Variants in IMMP2L observed in about 807,000 individuals in gnomAD.
The protein encoded by IMMP2L is inner mitochondrial membrane peptidase subunit 2.
In IMMP2L, 18 loss-of-function variants were observed where a neutral mutation model predicts 19.3. The observed-to-expected ratio is 0.93, with a 90% confidence interval of 0.64 to 1.38. The LOEUF (loss-of-function observed/expected upper bound fraction) is 1.38, where lower values mean the gene tolerates loss of function less well. Among genes scored for constraint, IMMP2L ranks in the 40% most tolerant of loss-of-function variants. The pLI, the probability that IMMP2L is intolerant of heterozygous loss-of-function variation, is 0.00. For missense variants in IMMP2L, 233 were observed against 218.2 expected (o/e 1.07, Z -0.43); for synonymous variants, 76 against 73.0 (o/e 1.04, Z -0.21).
intron 4 of IMMP2L, among the ~76,000 whole-genome samples, chr7:110,917,836 T>C (rs1585259373): frequency 6.6e-6 from 1 of 152,286 alleles, no homozygotes; most frequent in South Asian, 2.1e-4. Flanking sequence ...CCCAATTGGA[T>C]AATAAGAAAT....
chr7:111,150,917 T>C (rs1171474291), intron 3 of IMMP2L, among the ~76,000 whole-genome samples: 1 of 152,206 alleles, frequency 6.6e-6, no homozygotes, highest in African/African-American at 2.4e-5. Context: ...AGTCCATTCC[T>C]GATGCCTGGA....
chr7:111,060,325 C>A (rs1008327017), intron 3 of IMMP2L, among the ~76,000 whole-genome samples: 3 of 152,144 alleles, frequency 2.0e-5, no homozygotes, highest in Non-Finnish European at 2.9e-5. Flanking sequence ...AGCTTTTATA[C>A]AAGAAACCAC....
At chr7:110,927,939 A>G (rs1815042055) in intron 4 of IMMP2L, among the ~76,000 whole-genome samples, 2 of 152,080 alleles carry the variant, frequency 1.3e-5, no homozygotes, top group African/African-American at 4.8e-5. Flanking sequence ...ACTTTGCAGT[A>G]TCTCTTATCT....
At chr7:111,050,082 C>T (rs1792856555) in intron 3 of IMMP2L, among the ~76,000 whole-genome samples, 2 of 152,158 alleles carry the variant, frequency 1.3e-5, no homozygotes, top group African/African-American at 2.4e-5. Flanking sequence ...ATTTATTCCA[C>T]TGGAATAGTG....
intron 3 of IMMP2L, among the ~76,000 whole-genome samples, chr7:111,439,505 C>A (rs1837507602): frequency 1.3e-5 from 2 of 151,856 alleles, no homozygotes; most frequent in Non-Finnish European, 2.9e-5. Flanking sequence ...TACATTTACA[C>A]TGAACTGTAA....
intron 4 of IMMP2L, among the ~76,000 whole-genome samples, chr7:110,955,380 A>C (rs1818262905): frequency 6.6e-6 from 1 of 151,910 alleles, no homozygotes; most frequent in African/African-American, 2.4e-5. Flanking sequence ...TAATTTCTAG[A>C]GGTAACATCA....
chr7:110,753,854 C>T (rs1379903362), intron 5 of IMMP2L, among the ~76,000 whole-genome samples: 1 of 151,536 alleles, frequency 6.6e-6, no homozygotes. Flanking sequence ...CTAAACACCA[C>T]TATAATTAAC....
At chr7:111,313,958 A>G (rs904180406) in intron 3 of IMMP2L, among the ~76,000 whole-genome samples, 4 of 152,034 alleles carry the variant, frequency 2.6e-5, no homozygotes, top group Non-Finnish European at 2.9e-5. Context: ...TAGTCATTTG[A>G]AAGAGTGTGG....
chr7:110,735,247 A>C (rs1283662363), intron 5 of IMMP2L, among the ~76,000 whole-genome samples: 1 of 152,194 alleles, frequency 6.6e-6, no homozygotes, highest in Non-Finnish European at 1.5e-5. Flanking sequence ...CACCTTATGC[A>C]AAAGAGATGC....
At chr7:111,329,952 T>G (rs1825712201) in intron 3 of IMMP2L, among the ~76,000 whole-genome samples, 2 of 151,636 alleles carry the variant, frequency 1.3e-5, no homozygotes, top group Admixed American at 1.3e-4. Context: ...AATTCCACCC[T>G]CTCACACAAA....
At chr7:111,099,421 AT>A (rs774945241) in intron 3 of IMMP2L, among the ~76,000 whole-genome samples, 1 of 151,746 alleles carries the variant, frequency 6.6e-6, no homozygotes, top group Non-Finnish European at 1.5e-5. Flanking sequence ...TGCAAAGTTA[AT>A]TGATGAAAGC....
chr7:111,554,618 T>TATC lies in IMMP2L; in HGVS notation c.-3+7232_-3+7233insGAT, dbSNP rs557283521. 4.8e-4 allele frequency among the ~76,000 whole-genome samples: 72 copies of TATC among 151,486 alleles called. No individual in the cohort carries two copies. In the East Asian group the frequency reaches 0.011, roughly 23 times the overall value. On this transcript the variant is annotated intron_variant, in intron 1 of 5. Coordinates refer to ENST00000405709, the MANE Select transcript of IMMP2L (RefSeq NM_032549.4). The stretch of plus-strand genomic sequence containing the variant: ...TCAAAGCATTGCTTTATTTTTATTT[T>TATC]ATTATTATTATTATTATTATTTGAG...
chr7:111,219,777 G>GT (rs57925200), intron 3 of IMMP2L, among the ~76,000 whole-genome samples: 69,802 of 151,476 alleles, frequency 0.46, 16,484 homozygotes, highest in Non-Finnish European at 0.52. Flanking sequence ...AATTAATCAT[G>GT]TTTTTTTACC....
At chr7:111,081,711 T>C (rs2129576501) in intron 3 of IMMP2L, among the ~76,000 whole-genome samples, 1 of 152,340 alleles carries the variant, frequency 6.6e-6, no homozygotes, top group South Asian at 2.1e-4. Flanking sequence ...AGGATTAAAG[T>C]AGCTCAACAC....
Position 110,760,305 on chromosome 7 carries a change from T to C in IMMP2L, c.409-96584A>G, listed in dbSNP as rs1295105632. Among the ~76,000 whole-genome samples, 1 of 152,112 alleles carries C rather than the reference T, an allele frequency of 6.6e-6. No individual in the cohort carries two copies. Reference sequence around the variant, plus strand: ...GACTACCCTTCACATTAAGTTTAAATTGGAAACTTCTTTTTCTAATAGAGA... The same window carrying C: ...GACTACCCTTCACATTAAGTTTAAACTGGAAACTTCTTTTTCTAATAGAGA... On this transcript the variant is annotated intron_variant, in intron 5 of 5. Coordinates refer to ENST00000405709, the MANE Select transcript of IMMP2L (RefSeq NM_032549.4). This position sits in a 1 kb window ranked among gnomAD's most constrained non-coding sequence, Gnocchi z 4.2.
At chr7:110,932,325 T>C (rs80105677) in intron 4 of IMMP2L, among the ~76,000 whole-genome samples, 4,753 of 152,274 alleles carry the variant, frequency 0.031, 103 homozygotes, top group Non-Finnish European at 0.047. Flanking sequence ...AGAATCTACT[T>C]TCCTAGTGTG....
intron 1 of IMMP2L, among the ~76,000 whole-genome samples, chr7:111,553,039 A>G (rs1038695494): frequency 1.3e-5 from 2 of 152,160 alleles, no homozygotes; most frequent in African/African-American, 4.8e-5. Context: ...TCCTGCTGAT[A>G]TCTGACAGCA....
At chr7:110,691,927 AC>A (rs1793535548) in intron 5 of IMMP2L, among the ~76,000 whole-genome samples, 1 of 152,218 alleles carries the variant, frequency 6.6e-6, no homozygotes, top group South Asian at 2.1e-4. Context: ...AAGTAGATTT[AC>A]CATTCAATCC....
intron 3 of IMMP2L, among the ~76,000 whole-genome samples, chr7:111,037,520 T>C (rs1205026264): frequency 6.6e-6 from 1 of 152,118 alleles, no homozygotes; most frequent in Non-Finnish European, 1.5e-5. Flanking sequence ...CCAAGCTTCT[T>C]TGTAGTAAAT....
Sources: allele counts gnomAD v4.1 joint callset (sites outside exome capture counted in the v4.1 genomes callset), GRCh38; gene constraint gnomAD v4.1.1; non-coding constraint Gnocchi (gnomAD v3.1); transcripts MANE v1.5; gene names NCBI Gene and HGNC (gene_info 2026-07-23, HGNC 2026-07-21).